Variants in TNS3 observed in about 807,000 individuals in gnomAD.
The protein encoded by TNS3 is tensin 3.
Under a neutral mutation model 140.9 loss-of-function variants are expected in TNS3, and 45 were observed. The ratio of observed to expected loss-of-function variants is 0.32; its 90% CI spans 0.25 to 0.41. TNS3 has a LOEUF of 0.41. TNS3 is among the 10% of genes least tolerant of loss of function. The pLI, the probability that TNS3 is intolerant of heterozygous loss-of-function variation, is 1.00. For synonymous variants in TNS3, 815 were observed against 788.4 expected (o/e 1.03, Z -0.56); for missense variants, 1,716 against 1,906.7 (o/e 0.90, Z 1.86).
chr7:47,368,958 G>C lies in TNS3; in HGVS notation c.1688C>G (p.Pro563Arg), dbSNP rs1790883033. Reference sequence around the variant, plus strand: ...TGAGGGCTTTCTCAGCAGGGGCTGGGGCTGCTTGGGCTCTCGACTCCCAAA... The same window carrying C: ...TGAGGGCTTTCTCAGCAGGGGCTGGCGCTGCTTGGGCTCTCGACTCCCAAA... Reference protein sequence around the residue: ...RTFGSREPKQPQPLLRKPSVS... With the variant: ...RTFGSREPKQRQPLLRKPSVS... The change falls in exon 17 of 31, where the codon CCC becomes CGC. Residue 563 changes from proline to arginine, a missense_variant. Pro to Arg is a moderately radical substitution (Grantham distance 103). Transcript: ENST00000311160. The C allele has an allele frequency of 6.2e-7, 1 of 1,613,720 alleles. No individual in the cohort carries two copies. The highest frequency in any genetic ancestry group is 8.5e-7 in the Non-Finnish European group (1 of 1,179,978).
chr7:47,320,450 A>C (rs2150838545), intron 20 of TNS3, among the ~76,000 whole-genome samples: 1 of 152,352 alleles, frequency 6.6e-6, no homozygotes, highest in Non-Finnish European at 1.5e-5. Flanking sequence ...TATAAAAAAT[A>C]CCACACAGTG....
intron 13 of TNS3, chr7:47,405,702 C>T (rs368531450): frequency 1.1e-5 from 7 of 642,466 alleles, no homozygotes; most frequent in Admixed American, 9.2e-5. Context: ...TGCTGTGATG[C>T]GTCCAACAGA....
At chr7:47,565,987 A>T (rs1800420511) in intron 1 of TNS3, among the ~76,000 whole-genome samples, 1 of 151,122 alleles carries the variant, frequency 6.6e-6, no homozygotes, top group Non-Finnish European at 1.5e-5. Context: ...AACTTTAAAG[A>T]CATCTCAATT....
chr7:47,508,449 T>C (rs760386384), intron 2 of TNS3, among the ~76,000 whole-genome samples: 1 of 152,150 alleles, frequency 6.6e-6, no homozygotes, highest in Admixed American at 6.5e-5. Flanking sequence ...CCACACAAGA[T>C]TAAAAGTCCA....
At chr7:47,489,243 TC>T (rs1797725157) in intron 3 of TNS3, among the ~76,000 whole-genome samples, 1 of 152,120 alleles carries the variant, frequency 6.6e-6, no homozygotes, top group African/African-American at 2.4e-5. Context: ...GAAGGAAAAT[TC>T]CCAGAATCAG....
At chr7:47,365,559 C>A (rs1483697925) in intron 17 of TNS3, among the ~76,000 whole-genome samples, 2 of 152,002 alleles carry the variant, frequency 1.3e-5, no homozygotes. Context: ...GTCAGGAGAT[C>A]GAGACCTTCT....
At chr7:47,477,646 T>C (rs892785230) in intron 4 of TNS3, among the ~76,000 whole-genome samples, 2 of 152,180 alleles carry the variant, frequency 1.3e-5, no homozygotes, top group African/African-American at 2.4e-5. Flanking sequence ...TCAGGTGACC[T>C]GGCCAGGTGC....
intron 3 of TNS3, among the ~76,000 whole-genome samples, chr7:47,488,874 C>A (rs1797708116): frequency 6.6e-6 from 1 of 152,070 alleles, no homozygotes. Context: ...TGCCTGGGGA[C>A]AGGGGGCTAG....
At position 47,481,145 on chromosome 7, in the gene TNS3, T is replaced by C; in HGVS notation, c.-114-4A>G. ...GCACACCGCAGGGAATCACCACCTT[T>C]CAAAGAGAGAAGAAACAGATAAGCA... is the stretch of plus-strand genomic sequence containing the variant. On this transcript the variant is annotated splice_polypyrimidine_tract_variant and splice_region_variant and intron_variant, in intron 3 of 30. Transcript: ENST00000311160. The C allele has an allele frequency of 7.8e-7, 1 of 1,289,664 alleles. No individual in the cohort carries two copies. Among genetic ancestry groups the C allele is most frequent in the East Asian group, 5.6e-5 (1 of 18,010 alleles). 79.9% of individuals were successfully genotyped at this position (1,289,664 alleles called of 1,614,324 possible).
intron 15 of TNS3, among the ~76,000 whole-genome samples, chr7:47,397,117 G>C (rs760632443): frequency 1.6e-4 from 24 of 152,282 alleles, no homozygotes; most frequent in South Asian, 2.1e-4. Context: ...AGGGGGAAGG[G>C]ATAAGTAAGC....
intron 20 of TNS3, among the ~76,000 whole-genome samples, chr7:47,314,675 G>A (rs150839674): frequency 2.0e-5 from 3 of 152,196 alleles, no homozygotes; most frequent in Admixed American, 1.3e-4. Context: ...AGGACAGGAC[G>A]TGGGCTGAGC....
At chr7:47,577,074 C>T (rs1800692070) in intron 1 of TNS3, among the ~76,000 whole-genome samples, 1 of 152,186 alleles carries the variant, frequency 6.6e-6, no homozygotes. Context: ...TGCCAAGACA[C>T]AATGAAAGGA....
At chr7:47,328,098 C>T (rs886268644) in intron 20 of TNS3, among the ~76,000 whole-genome samples, 1 of 152,186 alleles carries the variant, frequency 6.6e-6, no homozygotes, top group African/African-American at 2.4e-5. Flanking sequence ...GTCCCGAGTC[C>T]CTGTCCCAGC....
intron 12 of TNS3, among the ~76,000 whole-genome samples, chr7:47,412,493 C>T (rs1793829126): frequency 6.6e-6 from 1 of 152,194 alleles, no homozygotes; most frequent in South Asian, 2.1e-4. Context: ...TGGCAGGTGC[C>T]TGTAATCCCA....
At chr7:47,516,531 C>T (rs1288191315) in intron 2 of TNS3, among the ~76,000 whole-genome samples, 1 of 152,180 alleles carries the variant, frequency 6.6e-6, no homozygotes, top group African/African-American at 2.4e-5. Flanking sequence ...CCCATCTCAA[C>T]TCAATGAGCT....
intron 5 of TNS3, among the ~76,000 whole-genome samples, chr7:47,440,109 G>A (rs1035173020): frequency 5.3e-5 from 8 of 152,070 alleles, no homozygotes; most frequent in Admixed American, 3.3e-4. Context: ...AGGAGGAAGC[G>A]GAGATGGTGT....
intron 15 of TNS3, among the ~76,000 whole-genome samples, chr7:47,399,627 A>G (rs978915507): frequency 6.6e-6 from 1 of 152,228 alleles, no homozygotes; most frequent in African/African-American, 2.4e-5. Flanking sequence ...CACATGTAGA[A>G]GAATAAGACT....
intron 17 of TNS3, among the ~76,000 whole-genome samples, chr7:47,351,792 G>A (rs1285644970): frequency 6.6e-6 from 1 of 152,196 alleles, no homozygotes; most frequent in African/African-American, 2.4e-5. Flanking sequence ...TCAGAGTGGG[G>A]TTACAAAACG....
intron 16 of TNS3, among the ~76,000 whole-genome samples, chr7:47,383,615 G>A (rs1415127323): frequency 1.3e-5 from 2 of 152,168 alleles, no homozygotes; most frequent in Non-Finnish European, 2.9e-5. Context: ...ATGGTAACAA[G>A]GGCATATTTA....
Sources: allele counts gnomAD v4.1 joint callset (sites outside exome capture counted in the v4.1 genomes callset), GRCh38; gene constraint gnomAD v4.1.1; transcripts MANE v1.5; gene names NCBI Gene and HGNC (gene_info 2026-07-23, HGNC 2026-07-21).